The following OR5K1 variants were observed in gnomAD, a reference collection of about 807,000 sequenced individuals.
OR5K1 encodes the protein olfactory receptor family 5 subfamily K member 1.
A neutral mutation model predicts 10.4 loss-of-function variants in OR5K1; 7 were observed. The ratio of observed to expected loss-of-function variants is 0.67; its 90% CI spans 0.38 to 1.26. The LOEUF (loss-of-function observed/expected upper bound fraction) is 1.26. Among genes scored for constraint, OR5K1 ranks in the 50% most tolerant of loss-of-function variants. The probability of loss-of-function intolerance (pLI) is 0.02; values close to 1 mark genes in which losing one functional copy is unlikely to be tolerated. For synonymous variants in OR5K1, 135 were observed against 128.5 expected, an observed-to-expected ratio of 1.05 and a Z score of -0.34; for missense variants, 435 against 366.2, an observed-to-expected ratio of 1.19 and a Z score of -1.53.
intron 1 of OR5K1, 76 bp from the exon 2 acceptor site, chr3:98,469,490 C>A: frequency 7.3e-7 from 1 of 1,371,160 alleles, no homozygotes; most frequent in Non-Finnish European, 1.0e-6. Context: ...TGCTCTCCTT[C>A]CTTTAAGCCA....
intron 1 of OR5K1, among the ~76,000 whole-genome samples, chr3:98,467,953 G>A (rs565201334): frequency 6.6e-6 from 1 of 151,954 alleles, no homozygotes; most frequent in East Asian, 1.9e-4. Flanking sequence ...TAGGAGCGGT[G>A]AGAGAGGGCA....
Position 98,471,320 on chromosome 3 carries a change from C to T in OR5K1, c.*817C>T, listed in dbSNP as rs1705443999. On this transcript the variant is annotated 3_prime_UTR_variant, in exon 2 of 2. Coordinates refer to ENST00000642057, the MANE Select transcript of OR5K1 (RefSeq NM_001004736.4). ...CTACTTGAGAGGTGAGGAAAGGTTT[C>T]AACAATAGAGACCACTACCCTGGGT... is the stretch of plus-strand genomic sequence containing the variant. The T allele has an allele frequency of 6.6e-6, 1 of 151,772 alleles. No individual in the cohort carries two copies. Among genetic ancestry groups the T allele is most frequent in the Non-Finnish European group, 1.5e-5 (1 of 67,926 alleles). 9.4% of individuals were successfully genotyped at this position (151,772 alleles called of 1,614,324 possible).
chr3:98,465,494 T>TAGACCAAAGGA (rs1705360847), intron 1 of OR5K1, among the ~76,000 whole-genome samples: 1 of 152,146 alleles, frequency 6.6e-6, no homozygotes, highest in Non-Finnish European at 1.5e-5. Context: ...GGTCAATTCA[T>TAGACCAAAGGA]TATTATTGGC....
intron 1 of OR5K1, among the ~76,000 whole-genome samples, chr3:98,464,480 A>G (rs1705347509): frequency 6.6e-6 from 1 of 152,174 alleles, no homozygotes; most frequent in Non-Finnish European, 1.5e-5. Flanking sequence ...TTTCAAAGCA[A>G]GTAGGTAGCA....
intron 1 of OR5K1, among the ~76,000 whole-genome samples, chr3:98,464,594 A>T (rs1487818829): frequency 6.6e-6 from 1 of 152,162 alleles, no homozygotes. Context: ...ATAGGTAAGA[A>T]CTCTTTGTCT....
rs981493200 is a variant in OR5K1, at chr3:98,472,139, A to G, written c.*1636A>G. ...CCGTTGGTTATTTCTTCATGCCACCATCACTTCAGGTATCTACGTCCATGT... is the reference window on the plus strand; with the variant it reads ...CCGTTGGTTATTTCTTCATGCCACCGTCACTTCAGGTATCTACGTCCATGT... On this transcript the variant is annotated 3_prime_UTR_variant, in exon 2 of 2. Transcript: ENST00000642057. The G allele has an allele frequency of 7.9e-5, 12 of 151,950 alleles. No individual in the cohort carries two copies. Among genetic ancestry groups the G allele is most frequent in the Admixed American group, 6.6e-4 (10 of 15,216 alleles). 9.4% of individuals were successfully genotyped at this position (151,950 alleles called of 1,614,324 possible).
At chr3:98,465,259 C>T (rs997067723) in intron 1 of OR5K1, among the ~76,000 whole-genome samples, 6 of 151,932 alleles carry the variant, frequency 3.9e-5, no homozygotes, top group South Asian at 4.1e-4. Context: ...TTTTACATAA[C>T]GTATTTCTAT....
chr3:98,469,521 G>C (rs9861575), intron 1 of OR5K1, 45 bp from the exon 2 acceptor site: 45,399 of 1,531,518 alleles, frequency 0.03, 1,380 homozygotes, highest in African/African-American at 0.12. Flanking sequence ...AATAACTGTG[G>C]CATATTATAA....
intron 1 of OR5K1, among the ~76,000 whole-genome samples, chr3:98,465,339 G>A (rs1474002185): frequency 1.3e-5 from 2 of 152,122 alleles, no homozygotes; most frequent in Admixed American, 6.6e-5. Flanking sequence ...GCCATCGTGT[G>A]AATGATTCAC....
chr3:98,465,455 T>A (rs1705360497), intron 1 of OR5K1, among the ~76,000 whole-genome samples: 1 of 152,178 alleles, frequency 6.6e-6, no homozygotes, highest in Non-Finnish European at 1.5e-5. Flanking sequence ...TATGTCAATC[T>A]TTGTAGAAGA....
intron 1 of OR5K1, among the ~76,000 whole-genome samples, chr3:98,463,991 A>G (rs1705340534): frequency 6.6e-6 from 1 of 152,188 alleles, no homozygotes. Context: ...GCAGTGGCTC[A>G]TGCCTGTAAT....
chr3:98,472,919 A>G lies in OR5K1; in HGVS notation c.*2416A>G, dbSNP rs1249518224. 1 of 151,964 alleles carries G rather than the reference A, an allele frequency of 6.6e-6. No homozygotes were observed. The highest frequency in any genetic ancestry group is 6.6e-5 in the Admixed American group (1 of 15,210). 9.4% of individuals were successfully genotyped at this position (151,964 alleles called of 1,614,324 possible). On this transcript the variant is annotated 3_prime_UTR_variant, in exon 2 of 2. Coordinates refer to ENST00000642057, the MANE Select transcript of OR5K1 (RefSeq NM_001004736.4). ...CGACTCATTTTATGGTATGCAGAGG[A>G]AAACAGACATGTTTAAAACAATATT...
chr3:98,464,125 G>T (rs1482554082), intron 1 of OR5K1, among the ~76,000 whole-genome samples: 2 of 151,988 alleles, frequency 1.3e-5, no homozygotes, highest in Non-Finnish European at 2.9e-5. Context: ...CAAGCAGGTG[G>T]CGCATGCCTG....
chr3:98,469,348 A>C (rs1705412858), intron 1 of OR5K1: 2 of 566,604 alleles, frequency 3.5e-6, no homozygotes. Context: ...AATGGTTTAA[A>C]AATGATTTTA....
At chr3:98,468,227 A>C (rs949573064) in intron 1 of OR5K1, among the ~76,000 whole-genome samples, 11 of 152,092 alleles carry the variant, frequency 7.2e-5, no homozygotes, top group Admixed American at 3.9e-4. Flanking sequence ...GCCTGCTTCC[A>C]AAGCATGTTA....
At position 98,470,323 on chromosome 3, in the gene OR5K1, A is replaced by G. The variant is rs771218467; in HGVS notation, c.747A>G (p.Ser249=). The G allele has an allele frequency of 2.3e-5, 37 of 1,613,196 alleles. No individual in the cohort carries two copies. The highest frequency in any genetic ancestry group is 9.4e-5 in the African/African-American group (7 of 74,860). ...GTGCATCCCACTTTTTGTCAGTTTC[A>G]TTATTCTATGGATCTCTTTTCTTCA... is the stretch of plus-strand genomic sequence containing the variant. ...STCASHFLSV[S]LFYGSLFFMY... The change falls in exon 2 of 2, where the codon TCA becomes TCG. Residue 249 remains serine (S), a synonymous_variant. Transcript: ENST00000642057.
chr3:98,469,243 G>A (rs1347708046), intron 1 of OR5K1, among the ~76,000 whole-genome samples: 2 of 152,056 alleles, frequency 1.3e-5, no homozygotes, highest in Non-Finnish European at 2.9e-5. Context: ...GAGTACACAT[G>A]TACAGAAAGA....
rs1183118583 is a variant in OR5K1 at position 98,470,596 on chromosome 3, A to T, written c.*93A>T. 1.5e-6 allele frequency: 1 copy of T among 675,700 alleles called. No homozygotes were observed. The highest frequency in any genetic ancestry group is 2.4e-6 in the Non-Finnish European group (1 of 411,528). The allele number at this position is 675,700 out of a possible 1,614,324, so 41.9% of individuals were successfully genotyped here. ...ATGTGAAATTACACAGGGGAAATGCATAAATTATAAGTAAAATTTTAATAT... is the reference window on the plus strand; with the variant it reads ...ATGTGAAATTACACAGGGGAAATGCTTAAATTATAAGTAAAATTTTAATAT... On this transcript the variant is annotated 3_prime_UTR_variant, in exon 2 of 2. Transcript: ENST00000642057.
At chr3:98,465,765 T>C (rs1361542821) in intron 1 of OR5K1, among the ~76,000 whole-genome samples, 1 of 152,124 alleles carries the variant, frequency 6.6e-6, no homozygotes, top group Admixed American at 6.6e-5. Flanking sequence ...TTCTAGTGAT[T>C]ATTTGTACTG....
Sources: allele counts gnomAD v4.1 joint callset (sites outside exome capture counted in the v4.1 genomes callset), GRCh38; gene constraint gnomAD v4.1.1; transcripts MANE v1.5; gene names NCBI Gene and HGNC (gene_info 2026-07-23, HGNC 2026-07-21).